KLHL29: variants seen among roughly 807,000 people sequenced by gnomAD.
KLHL29 encodes the protein kelch like family member 29.
A neutral mutation model predicts 80.4 loss-of-function variants in KLHL29; 21 were observed. That is an observed-to-expected ratio of 0.26 (90% confidence interval 0.19 to 0.38). KLHL29 has a LOEUF of 0.38. KLHL29 is among the 10% of genes least tolerant of loss of function. KLHL29 has a pLI of 1.00. For synonymous variants in KLHL29, 511 were observed against 526.8 expected (o/e 0.97, Z 0.41); for missense variants, 867 against 1,223.9 (o/e 0.71, Z 4.35).
At position 23,585,748 on chromosome 2, in the gene KLHL29, G is replaced by A. The variant is rs902394778; in HGVS notation, c.285+23267G>A. Among the ~76,000 whole-genome samples, 23 of 152,216 alleles carry A rather than the reference G, an allele frequency of 1.5e-4. No homozygotes were observed. The South Asian group carries it at 2.1e-3, about 14-fold the overall frequency. ...CATATGTAACTAGAAGCAGGAGGGC[G>A]GTGTCGGAGGCTCCAAGGGGTGATA... is the stretch of plus-strand genomic sequence containing the variant. On this transcript the variant is annotated intron_variant, in intron 3 of 13. Transcript: ENST00000486442.
chr2:23,531,212 G>C (rs760614208), intron 2 of KLHL29, among the ~76,000 whole-genome samples: 1 of 152,264 alleles, frequency 6.6e-6, no homozygotes, highest in East Asian at 1.9e-4. Flanking sequence ...TCATTGCCAC[G>C]TGGTGGCCAG....
At chr2:23,691,316 C>T (rs1243307302) in intron 6 of KLHL29, 10 of 294,606 alleles carry the variant, frequency 3.4e-5, no homozygotes, top group Admixed American at 2.5e-4. Context: ...TGGGATGCGT[C>T]GGCCTGCTTT....
At chr2:23,472,587 T>C (rs1664524266) in intron 1 of KLHL29, among the ~76,000 whole-genome samples, 1 of 152,152 alleles carries the variant, frequency 6.6e-6, no homozygotes. Flanking sequence ...TGAGCCAAGA[T>C]TGCGCCACTG....
At chr2:23,576,340 G>A (rs554053777) in intron 3 of KLHL29, among the ~76,000 whole-genome samples, 12 of 151,780 alleles carry the variant, frequency 7.9e-5, no homozygotes, top group Admixed American at 2.0e-4. Flanking sequence ...TATGCTGAGC[G>A]TGTGAGTTTT....
chr2:23,491,065 C>G (rs2103448157), intron 2 of KLHL29, among the ~76,000 whole-genome samples: 1 of 152,270 alleles, frequency 6.6e-6, no homozygotes, highest in East Asian at 1.9e-4. Flanking sequence ...AACCCATCAT[C>G]TAGGTTTTAA....
At chr2:23,641,080 C>G (rs747978685) in intron 4 of KLHL29, among the ~76,000 whole-genome samples, 5 of 152,060 alleles carry the variant, frequency 3.3e-5, no homozygotes, top group Non-Finnish European at 7.4e-5. Flanking sequence ...GCTGTGAAAA[C>G]CAAGGTACCA....
intron 1 of KLHL29, among the ~76,000 whole-genome samples, chr2:23,394,347 A>G (rs1299758776): frequency 6.6e-6 from 1 of 152,128 alleles, no homozygotes; most frequent in East Asian, 1.9e-4. Context: ...AGATTGAATA[A>G]CTGTTTACTG....
intron 2 of KLHL29, among the ~76,000 whole-genome samples, chr2:23,513,229 T>C (rs1665826385): frequency 6.6e-6 from 1 of 152,256 alleles, no homozygotes; most frequent in Non-Finnish European, 1.5e-5. Context: ...ACTCCTATTT[T>C]GGGACTAGTT....
At chr2:23,643,660 G>A (rs1181912626) in intron 5 of KLHL29, 1 of 152,996 alleles carries the variant, frequency 6.5e-6, no homozygotes, top group East Asian at 1.9e-4. Flanking sequence ...AGGAGGACCA[G>A]GGCACACATA....
In KLHL29 at chr2:23,684,469, CAG is replaced by C; in HGVS notation, c.1016_1017del (p.Glu339ValfsTer2). ...FTDLKIVVEG[R>X]EFEVHQNVLA... Reference sequence around the variant, plus strand: ...CAGACCTGAAAATTGTTGTTGAAGGCAGAGAGTTTGAAGTCCACCAAAATGTT... The same window carrying C: ...CAGACCTGAAAATTGTTGTTGAAGGCAGAGTTTGAAGTCCACCAAAATGTT... On this transcript the variant is annotated frameshift_variant, in exon 6 of 14. Transcript: ENST00000486442. LOFTEE classifies it high-confidence loss of function. The surrounding 1 kb of genome is among the most constrained non-coding windows in gnomAD (Gnocchi z 4.4). 3 of 1,550,828 alleles carry C rather than the reference CAG, an allele frequency of 1.9e-6. No homozygotes were observed. The highest frequency in any genetic ancestry group is 2.6e-6 in the Non-Finnish European group (3 of 1,146,596).
intron 3 of KLHL29, among the ~76,000 whole-genome samples, chr2:23,578,481 A>C (rs914031923): frequency 1.3e-5 from 2 of 152,242 alleles, no homozygotes; most frequent in African/African-American, 4.8e-5. Context: ...AATACAAAGC[A>C]CTTACATCAG....
chr2:23,405,141 T>C (rs1256892075), intron 1 of KLHL29, among the ~76,000 whole-genome samples: 1 of 152,238 alleles, frequency 6.6e-6, no homozygotes, highest in Non-Finnish European at 1.5e-5. Flanking sequence ...GCTATTTTAA[T>C]TGGATAATTA....
chr2:23,483,755 C>T (rs1021379817), intron 2 of KLHL29, among the ~76,000 whole-genome samples: 1 of 152,094 alleles, frequency 6.6e-6, no homozygotes, highest in Non-Finnish European at 1.5e-5. Context: ...AACCAAAGCC[C>T]AGAGAGGTCT....
At chr2:23,462,318 A>G (rs1464136349) in intron 1 of KLHL29, among the ~76,000 whole-genome samples, 2 of 152,152 alleles carry the variant, frequency 1.3e-5, no homozygotes, top group Non-Finnish European at 2.9e-5. Context: ...CTGAGAGGAA[A>G]CAGGCTCTGT....
At chr2:23,628,821 C>A (rs983007398) in intron 3 of KLHL29, among the ~76,000 whole-genome samples, 8 of 152,124 alleles carry the variant, frequency 5.3e-5, no homozygotes, top group Admixed American at 5.2e-4. Context: ...CTGAAAATAA[C>A]AAAGGCTCCC....
chr2:23,647,762 C>G lies in KLHL29; in HGVS notation c.940+4912C>G, dbSNP rs149792910. ...TGCCACCACTTCATCCTTTGCTGTT[C>G]TGCTTGCAGGCTGCCCCGTAACCAC... is the stretch of plus-strand genomic sequence containing the variant. On this transcript the variant is annotated intron_variant, in intron 5 of 13. Coordinates refer to ENST00000486442, the MANE Select transcript of KLHL29 (RefSeq NM_052920.2). This position sits in a 1 kb window ranked among gnomAD's most constrained non-coding sequence, Gnocchi z 4.9. Among the ~76,000 whole-genome samples, 100 of 152,182 alleles carry G rather than the reference C, an allele frequency of 6.6e-4. No homozygotes were observed. The highest frequency in any genetic ancestry group is 2.3e-3 in the African/African-American group (96 of 41,516).
chr2:23,594,267 C>G (rs1024447297), intron 3 of KLHL29, among the ~76,000 whole-genome samples: 1 of 152,104 alleles, frequency 6.6e-6, no homozygotes, highest in East Asian at 1.9e-4. Context: ...ATGGTAAAGC[C>G]GGGCACTCAG....
At chr2:23,434,344 A>AG (rs1477176051) in intron 1 of KLHL29, among the ~76,000 whole-genome samples, 3 of 150,940 alleles carry the variant, frequency 2.0e-5, no homozygotes, top group African/African-American at 7.3e-5. Flanking sequence ...AAAAAAAAAA[A>AG]AGCTAGGCTC....
Position 23,562,525 on chromosome 2 carries a change from C to T in KLHL29, c.285+44C>T. On this transcript the variant is annotated intron_variant, in intron 3 of 13. Coordinates refer to ENST00000486442, the MANE Select transcript of KLHL29 (RefSeq NM_052920.2). This position sits in a 1 kb window ranked among gnomAD's most constrained non-coding sequence, Gnocchi z 4.5. ...TCTGAGCAGGAGCCGGACAGAGGGG[C>T]CCTGCCTCCCTGCAGGCTCAGGCCA... The T allele has an allele frequency of 1.3e-6, 2 of 1,523,324 alleles. No homozygotes were observed. The highest frequency in any genetic ancestry group is 1.8e-6 in the Non-Finnish European group (2 of 1,139,416). 94.4% of individuals were successfully genotyped at this position (1,523,324 alleles called of 1,614,324 possible).
Sources: allele counts gnomAD v4.1 joint callset (sites outside exome capture counted in the v4.1 genomes callset), GRCh38; gene constraint gnomAD v4.1.1; non-coding constraint Gnocchi (gnomAD v3.1); transcripts MANE v1.5; gene names NCBI Gene and HGNC (gene_info 2026-07-23, HGNC 2026-07-21).